COL24A1: variants seen among roughly 807,000 people sequenced by gnomAD.
The protein encoded by COL24A1 is collagen type XXIV alpha 1 chain, also known as collagen alpha-1(XXIV) chain.
In COL24A1, 224 loss-of-function variants were observed where a neutral mutation model predicts 253.9. The ratio of observed to expected loss-of-function variants is 0.88; its 90% CI spans 0.79 to 0.99. The LOEUF is 0.99. Among genes scored for constraint, COL24A1 ranks in the 50% least tolerant of loss-of-function variants. The pLI is 0.00. For synonymous variants in COL24A1, 685 were observed against 673.7 expected (o/e 1.02, Z -0.26); for missense variants, 2,131 against 2,068.5 (o/e 1.03, Z -0.59).
At chr1:86,041,280 C>T (rs902730264) in intron 12 of COL24A1, among the ~76,000 whole-genome samples, 3 of 152,012 alleles carry the variant, frequency 2.0e-5, no homozygotes, top group Non-Finnish European at 2.9e-5. Context: ...ATTTATAATC[C>T]ATTCTAAGGG....
chr1:85,921,568 C>T (rs1686500824), intron 24 of COL24A1, among the ~76,000 whole-genome samples: 1 of 152,182 alleles, frequency 6.6e-6, no homozygotes, highest in Non-Finnish European at 1.5e-5. Flanking sequence ...TCCAACAGAC[C>T]TGCAGCTGAG....
chr1:86,106,483 A>T (rs1021150938), intron 5 of COL24A1, among the ~76,000 whole-genome samples: 1 of 152,096 alleles, frequency 6.6e-6, no homozygotes, highest in Admixed American at 6.6e-5. Flanking sequence ...TTTTTTGGAA[A>T]AGAACTATCT....
chr1:85,917,180 C>G (rs765313453), intron 24 of COL24A1, among the ~76,000 whole-genome samples: 7 of 152,100 alleles, frequency 4.6e-5, no homozygotes, highest in Non-Finnish European at 1.0e-4. Flanking sequence ...AGCATAAATC[C>G]TTTTCAAAAG....
At chr1:86,051,655 TA>T (rs1040850072) in intron 10 of COL24A1, among the ~76,000 whole-genome samples, 7 of 152,038 alleles carry the variant, frequency 4.6e-5, no homozygotes, top group Non-Finnish European at 1.0e-4. Flanking sequence ...TGTGAGTCAT[TA>T]AAAAAACTTA....
At chr1:86,081,694 T>C (rs946137820) in intron 7 of COL24A1, among the ~76,000 whole-genome samples, 2 of 152,198 alleles carry the variant, frequency 1.3e-5, no homozygotes, top group Admixed American at 6.5e-5. Flanking sequence ...CCATTACTTA[T>C]GTAGTGATTT....
At chr1:86,118,955 A>G (rs1182413864) in intron 3 of COL24A1, among the ~76,000 whole-genome samples, 2 of 152,186 alleles carry the variant, frequency 1.3e-5, no homozygotes, top group East Asian at 1.9e-4. Flanking sequence ...AGCAGGGGCC[A>G]TATCACATAC....
chr1:85,965,217 C>A (rs1691446686), intron 22 of COL24A1, among the ~76,000 whole-genome samples, 155 bp from the exon 23 acceptor site: 1 of 151,980 alleles, frequency 6.6e-6, no homozygotes, highest in African/African-American at 2.4e-5. Context: ...ATTTGCCATT[C>A]ATTCTACAAA....
chr1:85,990,108 T>C (rs1694112455), intron 19 of COL24A1, among the ~76,000 whole-genome samples: 1 of 152,336 alleles, frequency 6.6e-6, no homozygotes, highest in East Asian at 1.9e-4. Flanking sequence ...TGCTGTTGAA[T>C]GACTGGTTTG....
At chr1:85,965,383 T>C (rs991416987) in intron 22 of COL24A1, among the ~76,000 whole-genome samples, 1 of 151,954 alleles carries the variant, frequency 6.6e-6, no homozygotes, top group African/African-American at 2.4e-5. Context: ...AGTGGTAATA[T>C]GTAAGGTAAC....
intron 55 of COL24A1, among the ~76,000 whole-genome samples, chr1:85,746,789 G>A (rs1447687671): frequency 6.6e-6 from 1 of 152,184 alleles, no homozygotes; most frequent in Non-Finnish European, 1.5e-5. Context: ...TATTCAAGTA[G>A]CAAAGAGGGT....
intron 31 of COL24A1, among the ~76,000 whole-genome samples, chr1:85,893,549 G>A (rs772333010): frequency 6.6e-6 from 1 of 152,020 alleles, no homozygotes; most frequent in Non-Finnish European, 1.5e-5. Flanking sequence ...AGTGATCCAG[G>A]CCTTAACACC....
intron 19 of COL24A1, among the ~76,000 whole-genome samples, chr1:85,998,678 C>T (rs1250118737): frequency 2.0e-5 from 3 of 152,172 alleles, no homozygotes; most frequent in Admixed American, 2.0e-4. Flanking sequence ...CTTCCTGAAG[C>T]AAAGGGCAGG....
At chr1:86,042,103 G>A (rs1699536430) in intron 12 of COL24A1, among the ~76,000 whole-genome samples, 2 of 152,044 alleles carry the variant, frequency 1.3e-5, no homozygotes, top group South Asian at 4.1e-4. Context: ...AAAAGCATGA[G>A]TATACACATA....
At chr1:85,824,142 G>T (rs776104332) in intron 43 of COL24A1, among the ~76,000 whole-genome samples, 5 of 152,104 alleles carry the variant, frequency 3.3e-5, no homozygotes, top group African/African-American at 1.2e-4. Context: ...CCACTAAAGA[G>T]CATAAGTGAC....
At chr1:86,020,433 G>A (rs1367828711) in intron 18 of COL24A1, among the ~76,000 whole-genome samples, 1 of 152,198 alleles carries the variant, frequency 6.6e-6, no homozygotes, top group African/African-American at 2.4e-5. Context: ...ATAGCCAGTA[G>A]GTTAAGTGCC....
At chr1:86,061,163 T>C (rs988487251) in intron 8 of COL24A1, among the ~76,000 whole-genome samples, 15 of 152,008 alleles carry the variant, frequency 9.9e-5, no homozygotes, top group Non-Finnish European at 1.8e-4. Context: ...CCCGTCTCCC[T>C]AGTGTGAGTT....
At chr1:85,807,767 C>T (rs1672133172) in intron 47 of COL24A1, among the ~76,000 whole-genome samples, 1 of 152,170 alleles carries the variant, frequency 6.6e-6, no homozygotes, top group African/African-American at 2.4e-5. Context: ...ATGTATACTA[C>T]AACTCCTCCC....
At chr1:86,067,085 G>A (rs546775899) in intron 7 of COL24A1, among the ~76,000 whole-genome samples, 2 of 151,922 alleles carry the variant, frequency 1.3e-5, no homozygotes, top group African/African-American at 4.8e-5. Context: ...GTTGCAGTGA[G>A]CCGAGATTGC....
chr1:85,774,419 T>C (rs759303510), intron 53 of COL24A1, among the ~76,000 whole-genome samples: 6 of 152,204 alleles, frequency 3.9e-5, no homozygotes, highest in African/African-American at 7.2e-5. Context: ...CGTTTTCTAT[T>C]GATCGGAATA....
Sources: allele counts gnomAD v4.1 joint callset (sites outside exome capture counted in the v4.1 genomes callset), GRCh38; gene constraint gnomAD v4.1.1; transcripts MANE v1.5; gene names NCBI Gene and HGNC (gene_info 2026-07-23, HGNC 2026-07-21).